Variants in ULK4 observed in about 807,000 individuals in gnomAD.
The protein encoded by ULK4 is inactive serine/threonine-protein kinase ULK4.
A neutral mutation model predicts 160.6 loss-of-function variants in ULK4; 133 were observed. The ratio of observed to expected loss-of-function variants is 0.83; its 90% confidence interval spans 0.72 to 0.96. The LOEUF (loss-of-function observed/expected upper bound fraction) is 0.96, where lower values mean the gene tolerates loss of function less well. Among genes scored for constraint, ULK4 ranks in the 40% least tolerant of loss-of-function variants. The probability of loss-of-function intolerance (pLI) is 0.00; values close to 1 mark genes in which losing one functional copy is unlikely to be tolerated. For synonymous variants in ULK4, 534 were observed against 539.8 expected (o/e 0.99, Z 0.15); for missense variants, 1,580 against 1,499.5 (o/e 1.05, Z -0.89).
chr3:41,827,247 G>C (rs914328701), intron 18 of ULK4, among the ~76,000 whole-genome samples: 2 of 149,724 alleles, frequency 1.3e-5, no homozygotes, highest in African/African-American at 5.0e-5. Context: ...ACAATTAAAA[G>C]AACTAGAGAA....
At chr3:41,722,815 T>C (rs1300395507) in intron 22 of ULK4, among the ~76,000 whole-genome samples, 2 of 152,190 alleles carry the variant, frequency 1.3e-5, no homozygotes, top group African/African-American at 4.8e-5. Context: ...ACCGTTTATT[T>C]AACCCATCAT....
intron 35 of ULK4, among the ~76,000 whole-genome samples, chr3:41,396,791 G>A (rs2082070575): frequency 6.6e-6 from 1 of 152,098 alleles, no homozygotes; most frequent in African/African-American, 2.4e-5. Context: ...TCCCACACTT[G>A]GGGAACTGAA....
At chr3:41,935,209 A>ATTTATTTTTTTTTT (rs1559660879) in intron 4 of ULK4, among the ~76,000 whole-genome samples, 3 of 135,602 alleles carry the variant, frequency 2.2e-5, no homozygotes, top group African/African-American at 9.8e-5. Flanking sequence ...TTATTTATTT[A>ATTTATTTTTTTTTT]TTTTTTTTTT....
intron 21 of ULK4, among the ~76,000 whole-genome samples, chr3:41,762,615 G>A (rs1254192786): frequency 6.6e-6 from 1 of 150,948 alleles, no homozygotes; most frequent in Non-Finnish European, 1.5e-5. Flanking sequence ...TGTCTTACCT[G>A]GTGACAGGAG....
intron 17 of ULK4, chr3:41,869,225 CATT>C (rs1697006714): frequency 6.6e-6 from 1 of 151,928 alleles, no homozygotes; most frequent in Non-Finnish European, 1.5e-5. Flanking sequence ...CCTGAATCAA[CATT>C]ATATTATTTC....
intron 35 of ULK4, among the ~76,000 whole-genome samples, chr3:41,276,137 C>T (rs553092299): frequency 1.3e-5 from 2 of 152,226 alleles, no homozygotes; most frequent in African/African-American, 4.8e-5. Flanking sequence ...CATGCAATGG[C>T]TCACCTCAAA....
Position 41,883,922 on chromosome 3 carries a change from T to C in ULK4, c.1608A>G (p.Leu536=). 6.2e-7 allele frequency: 1 copy of C among 1,610,962 alleles called. No individual in the cohort carries two copies. Among genetic ancestry groups the C allele is most frequent in the Non-Finnish European group, 8.5e-7 (1 of 1,177,040 alleles). Residue 536 remains leucine, a synonymous_variant, in exon 17 of 37, where the codon TTA becomes TTG. Coordinates refer to ENST00000301831, the MANE Select transcript of ULK4 (RefSeq NM_017886.4). The stretch of plus-strand genomic sequence containing the variant: ...GGAGCTCAGCTGTGTGCGAAGCCAG[T>C]AAACCAATTACGTGAGCAACCTTGG... ...IRAKVAHVIG[L]LASHTAELQE...
intron 35 of ULK4, among the ~76,000 whole-genome samples, chr3:41,259,457 G>A: frequency 6.6e-6 from 1 of 152,178 alleles, no homozygotes; most frequent in Non-Finnish European, 1.5e-5. Context: ...TGCAGGAGAG[G>A]ATGTGAGAAC....
At chr3:41,605,932 C>A in intron 31 of ULK4, among the ~76,000 whole-genome samples, 1 of 151,848 alleles carries the variant, frequency 6.6e-6, no homozygotes, top group East Asian at 1.9e-4. Context: ...TAATTAAAAT[C>A]AATAAAAAAT....
At chr3:41,577,320 A>G (rs540155102) in intron 31 of ULK4, among the ~76,000 whole-genome samples, 20 of 152,304 alleles carry the variant, frequency 1.3e-4, no homozygotes, top group African/African-American at 4.8e-4. Flanking sequence ...TTTCTAGTTC[A>G]ATCCTTTAAT....
chr3:41,511,308 A>G (rs1176895259), intron 32 of ULK4, among the ~76,000 whole-genome samples: 1 of 152,134 alleles, frequency 6.6e-6, no homozygotes, highest in Admixed American at 6.5e-5. Context: ...AACTAAATGA[A>G]ATCAAAAAAA....
intron 7 of ULK4, among the ~76,000 whole-genome samples, chr3:41,917,862 C>G (rs889661701): frequency 1.3e-5 from 2 of 152,024 alleles, no homozygotes; most frequent in African/African-American, 2.4e-5. Context: ...TGGTGGGCAC[C>G]TGTAGTCCCA....
chr3:41,938,368 A>G (rs1053757176), intron 2 of ULK4, among the ~76,000 whole-genome samples, 171 bp from the exon 3 acceptor site: 2 of 152,180 alleles, frequency 1.3e-5, no homozygotes, highest in Non-Finnish European at 2.9e-5. Context: ...TTACACAGAA[A>G]AACATTAACT....
chr3:41,810,026 CTAA>C (rs1481477878), intron 19 of ULK4, among the ~76,000 whole-genome samples: 4 of 152,122 alleles, frequency 2.6e-5, no homozygotes, highest in African/African-American at 9.7e-5. Context: ...TCACATTCAG[CTAA>C]TGTGTTTATT....
chr3:41,742,143 T>C (rs896094112), intron 22 of ULK4, among the ~76,000 whole-genome samples: 7 of 149,658 alleles, frequency 4.7e-5, no homozygotes, highest in Non-Finnish European at 8.8e-5. Context: ...GGGAATTTTA[T>C]CTTCTACCTT....
chr3:41,324,498 T>G (rs2080305551), intron 35 of ULK4, among the ~76,000 whole-genome samples: 1 of 152,156 alleles, frequency 6.6e-6, no homozygotes, highest in Non-Finnish European at 1.5e-5. Context: ...AAAGAAAATA[T>G]GAAGTTAGTA....
At chr3:41,753,392 T>C (rs891103743) in intron 22 of ULK4, among the ~76,000 whole-genome samples, 31 of 152,146 alleles carry the variant, frequency 2.0e-4, no homozygotes, top group South Asian at 4.1e-4. Flanking sequence ...CTCAGTATTC[T>C]AGAACAAGTA....
chr3:41,601,405 T>C (rs143306657), intron 31 of ULK4, among the ~76,000 whole-genome samples: 347 of 152,320 alleles, frequency 2.3e-3, no homozygotes, highest in African/African-American at 8.0e-3. Flanking sequence ...ATAATTTATG[T>C]AGGTACTTTG....
At chr3:41,274,716 C>T (rs1297598707) in intron 35 of ULK4, among the ~76,000 whole-genome samples, 1 of 152,110 alleles carries the variant, frequency 6.6e-6, no homozygotes. Flanking sequence ...TTTATTAGTT[C>T]CCTTAGATTT....
Sources: gnomAD v4.1 joint callset for allele counts (sites outside exome capture counted in the v4.1 genomes callset) on GRCh38, gnomAD v4.1.1 for gene constraint, MANE v1.5 for transcripts, NCBI Gene and HGNC (gene_info 2026-07-23, HGNC 2026-07-21) for gene names.